ZNF740: variants seen among roughly 807,000 people sequenced by gnomAD.
The protein encoded by ZNF740 is oriLyt TD-element-binding protein 7.
ZNF740 carries 14 observed loss-of-function variants against 24.8 expected under a neutral mutation model. The ratio of observed to expected loss-of-function variants is 0.56; its 90% CI spans 0.37 to 0.88. ZNF740 has a LOEUF of 0.88. Among genes scored for constraint, ZNF740 ranks in the 40% least tolerant of loss-of-function variants. The probability of loss-of-function intolerance (pLI) is 0.00; values close to 1 mark genes in which losing one functional copy is unlikely to be tolerated. For missense variants in ZNF740, 201 were observed against 247.9 expected, an observed-to-expected ratio of 0.81 and a Z score of 1.27; for synonymous variants, 69 against 84.0, an observed-to-expected ratio of 0.82 and a Z score of 0.98.
Position 53,181,740 on chromosome 12 carries a change from T to C in ZNF740, c.-244T>C. The C allele has an allele frequency of 1.8e-6, 1 of 543,834 alleles. No homozygotes were observed. The highest frequency in any genetic ancestry group is 3.1e-6 in the Non-Finnish European group (1 of 322,164). 33.7% of individuals were successfully genotyped at this position (543,834 alleles called of 1,614,324 possible). ...AACTGGAAAACCAAGACTGGTAGAC[T>C]CTCTTTTTCTTCAGACAATAGGCAG... On this transcript the variant is annotated 5_prime_UTR_variant, in exon 2 of 7. Transcript: ENST00000416904.
chr12:53,191,406 G>A lies in ZNF740; in HGVS notation c.*3816G>A, dbSNP rs1941936876. 3 of 683,068 alleles carry A rather than the reference G, an allele frequency of 4.4e-6. No homozygotes were observed. The highest frequency in any genetic ancestry group is 1.6e-5 in the South Asian group (1 of 61,422). The allele number at this position is 683,068 out of a possible 1,614,324, so 42.3% of individuals were successfully genotyped here. On this transcript the variant is annotated 3_prime_UTR_variant, in exon 7 of 7. Coordinates refer to ENST00000416904, the MANE Select transcript of ZNF740 (RefSeq NM_001004304.4). ...CAGGCATGGGAAGCAGCCCTCTTGG[G>A]TGTCACTCTGAAAATGAAGTAGGGT...
In ZNF740 at chr12:53,192,715, C is replaced by G; in HGVS notation, c.*5125C>G. 6.2e-7 allele frequency: 1 copy of G among 1,614,108 alleles called. No individual in the cohort carries two copies. Among genetic ancestry groups the G allele is most frequent in the Non-Finnish European group, 8.5e-7 (1 of 1,179,998 alleles). ...CCGGTGTCTCTCGCATGGTGTCTTG[C>G]AGCCTGGGCATTGGTCGCATAGAGC... On this transcript the variant is annotated 3_prime_UTR_variant, in exon 7 of 7. Coordinates refer to ENST00000416904, the MANE Select transcript of ZNF740 (RefSeq NM_001004304.4).
rs11170465 is a variant in ZNF740 at position 53,192,041 on chromosome 12, C to T, written c.*4451C>T. 92,459 of 1,606,716 alleles carry T rather than the reference C, an allele frequency of 0.058. 3,295 individuals are homozygous for T. The highest frequency in any genetic ancestry group is 0.17 in the East Asian group (7,682 of 44,684). ...CCCTCTGTGAACAAGAAACCAGACA[C>T]ACTTGTGGGAGCTGGAGCATAGGGA... On this transcript the variant is annotated 3_prime_UTR_variant, in exon 7 of 7. Coordinates refer to ENST00000416904, the MANE Select transcript of ZNF740 (RefSeq NM_001004304.4).
chr12:53,186,169 G>A, intron 5 of ZNF740, 92 bp downstream of exon 5: 1 of 1,468,138 alleles, frequency 6.8e-7, no homozygotes. Flanking sequence ...TATTTTAATG[G>A]GTAAGTATTA....
In ZNF740 at chr12:53,194,376, G is replaced by A. The variant is rs143968353; in HGVS notation, c.*6786G>A. On this transcript the variant is annotated 3_prime_UTR_variant, in exon 7 of 7. Transcript: ENST00000416904. ...GAAGAGAGCGAGTGGATAACCACGT[G>A]AAGGCAGAAAAGGACTCCAACCCCA... The A allele has an allele frequency of 1.6e-5, 25 of 1,611,194 alleles. No homozygotes were observed. In the African/African-American group the frequency reaches 3.3e-4, roughly 21 times the overall value.
chr12:53,192,046 G>T lies in ZNF740; in HGVS notation c.*4456G>T, dbSNP rs1941972918. ...TGTGAACAAGAAACCAGACACACTTGTGGGAGCTGGAGCATAGGGACAGAT... is the reference window on the plus strand; with the variant it reads ...TGTGAACAAGAAACCAGACACACTTTTGGGAGCTGGAGCATAGGGACAGAT... On this transcript the variant is annotated 3_prime_UTR_variant, in exon 7 of 7. Coordinates refer to ENST00000416904, the MANE Select transcript of ZNF740 (RefSeq NM_001004304.4). 2 of 1,605,846 alleles carry T rather than the reference G, an allele frequency of 1.2e-6. No homozygotes were observed. Among genetic ancestry groups the T allele is most frequent in the Non-Finnish European group, 1.7e-6 (2 of 1,175,044 alleles).
chr12:53,181,511 C>G (rs1941636437), intron 1 of ZNF740, 166 bp from the exon 2 acceptor site: 1 of 985,038 alleles, frequency 1.0e-6, no homozygotes, highest in Non-Finnish European at 1.2e-6. Context: ...ACTCCTTGCC[C>G]AGGAGACCAG....
intron 2 of ZNF740, 55 bp from the exon 3 acceptor site, chr12:53,184,836 C>CT: frequency 6.4e-7 from 1 of 1,570,030 alleles, no homozygotes; most frequent in Non-Finnish European, 8.7e-7. Context: ...GGATGGCAGT[C>CT]TGTTTTTGCC....
In ZNF740 at chr12:53,188,111, C is replaced by T. The variant is rs1226441329; in HGVS notation, c.*521C>T. Reference sequence around the variant, plus strand: ...TGGGTTTTTAGTTGCAGTAGCTCCTCAGTGTTTCACAATCCTGCACTTCGC... The same window carrying T: ...TGGGTTTTTAGTTGCAGTAGCTCCTTAGTGTTTCACAATCCTGCACTTCGC... On this transcript the variant is annotated 3_prime_UTR_variant, in exon 7 of 7. Coordinates refer to ENST00000416904, the MANE Select transcript of ZNF740 (RefSeq NM_001004304.4). The T allele has an allele frequency of 6.2e-6, 1 of 160,932 alleles. No individual in the cohort carries two copies. Among genetic ancestry groups the T allele is most frequent in the East Asian group, 1.8e-4 (1 of 5,532 alleles). The allele number at this position is 160,932 out of a possible 1,614,324, so 10.0% of individuals were successfully genotyped here.
At position 53,189,748 on chromosome 12, in the gene ZNF740, G is replaced by A. The variant is rs1021776023; in HGVS notation, c.*2158G>A. On this transcript the variant is annotated 3_prime_UTR_variant, in exon 7 of 7. Coordinates refer to ENST00000416904, the MANE Select transcript of ZNF740 (RefSeq NM_001004304.4). ...CCTGTTCAAGGGTTCTGCTGGATCT[G>A]GGCTTTTCCTGTCCTTCACTTCTGG... The A allele has an allele frequency of 6.6e-6, 1 of 152,198 alleles. No individual in the cohort carries two copies. The highest frequency in any genetic ancestry group is 1.5e-5 in the Non-Finnish European group (1 of 68,048). 9.4% of individuals were successfully genotyped at this position (152,198 alleles called of 1,614,324 possible). A position where few individuals can be genotyped will look rare whatever the true frequency, so the allele number is the denominator to read the frequency against.
intron 1 of ZNF740, 67 bp from the exon 2 acceptor site, chr12:53,181,610 A>G: frequency 1.7e-6 from 1 of 588,734 alleles, no homozygotes; most frequent in South Asian, 5.9e-5. Context: ...AAAAAAATTC[A>G]TATCGCACGT....
At position 53,190,230 on chromosome 12, in the gene ZNF740, G is replaced by A. The variant is rs1941905195; in HGVS notation, c.*2640G>A. On this transcript the variant is annotated 3_prime_UTR_variant, in exon 7 of 7. Coordinates refer to ENST00000416904, the MANE Select transcript of ZNF740 (RefSeq NM_001004304.4). ...ATCCAGAGGGCCCGGGAGCCCCACG[G>A]ATACCCCAGGGAAGCCACTGACTCA... 6.5e-6 allele frequency: 1 copy of A among 152,678 alleles called. No individual in the cohort carries two copies. The allele number at this position is 152,678 out of a possible 1,614,324, so 9.5% of individuals were successfully genotyped here.
intron 4 of ZNF740, 136 bp downstream of exon 4, chr12:53,185,612 A>G: frequency 3.7e-6 from 3 of 801,866 alleles, no homozygotes; most frequent in South Asian, 1.7e-5. Context: ...AGTCCCCCAG[A>G]TTTCATCCAG....
rs754768891 is a variant in ZNF740 at position 53,184,114 on chromosome 12, G to GGTGTGTGTGTGTGTGTGTGTGTGTGTGT, written c.10-767_10-740dup. Reference sequence around the variant, plus strand: ...TCAAAAGTGGGCTCTGAAGCTAAGGGGTGTGTGTGTGTGTGTGTGTGTGTG... The same window carrying GGTGTGTGTGTGTGTGTGTGTGTGTGTGT: ...TCAAAAGTGGGCTCTGAAGCTAAGGGGTGTGTGTGTGTGTGTGTGTGTGTGTGTGTGTGTGTGTGTGTGTGTGTGTGTG... On this transcript the variant is annotated intron_variant, in intron 2 of 6. Coordinates refer to ENST00000416904, the MANE Select transcript of ZNF740 (RefSeq NM_001004304.4). Among the ~76,000 whole-genome samples, 6 of 123,566 alleles carry GGTGTGTGTGTGTGTGTGTGTGTGTGTGT rather than the reference G, an allele frequency of 4.9e-5. No homozygotes were observed. The East Asian group carries it at 1.3e-3, about 26-fold the overall frequency. 81.1% of individuals were successfully genotyped at this position (123,566 alleles called of 152,430 possible).
chr12:53,195,104 G>A lies in ZNF740; in HGVS notation c.*7514G>A. 1.8e-5 allele frequency: 9 copies of A among 495,326 alleles called. No individual in the cohort carries two copies. The South Asian group carries it at 2.2e-4, about 12-fold the overall frequency. 30.7% of individuals were successfully genotyped at this position (495,326 alleles called of 1,614,324 possible). A position where few individuals can be genotyped will look rare whatever the true frequency, so the allele number is the denominator to read the frequency against. On this transcript the variant is annotated 3_prime_UTR_variant, in exon 7 of 7. Transcript: ENST00000416904. ...GCAAACAGTATGTACACCTAGGATGGTGGGCGCATGAAATAAAAGCTCAGT... is the reference window on the plus strand; with the variant it reads ...GCAAACAGTATGTACACCTAGGATGATGGGCGCATGAAATAAAAGCTCAGT...
In ZNF740 at chr12:53,186,026, G is replaced by A; in HGVS notation, c.322G>A (p.Gly108Arg). ...PKNFVCEHCF[G>R]AFRSSYHLKR... ...AAATTTTGTTTGTGAACACTGCTTT[G>A]GAGCCTTTCGGAGCAGTTACCACCT... The change falls in exon 5 of 7, where the codon GGA becomes AGA. Residue 108 changes from glycine (G) to arginine (R), a missense_variant. By Grantham distance (125) the Gly-to-Arg change is moderately radical. This residue lies in a region of ZNF740 where 60 missense variants were observed against 107.8 expected (regional missense o/e 0.56). Coordinates refer to ENST00000416904, the MANE Select transcript of ZNF740 (RefSeq NM_001004304.4). 5 of 1,613,918 alleles carry A rather than the reference G, an allele frequency of 3.1e-6. No homozygotes were observed. The highest frequency in any genetic ancestry group is 3.4e-6 in the Non-Finnish European group (4 of 1,179,832).
In ZNF740 at chr12:53,193,479, C is replaced by T; in HGVS notation, c.*5889C>T. On this transcript the variant is annotated 3_prime_UTR_variant, in exon 7 of 7. Coordinates refer to ENST00000416904, the MANE Select transcript of ZNF740 (RefSeq NM_001004304.4). ...AAAAGAGTTGGAGACAGACAAACAG[C>T]TGAAAGGATGTTAAGTATAGTGAAA... 1 of 824,592 alleles carries T rather than the reference C, an allele frequency of 1.2e-6. No homozygotes were observed. Among genetic ancestry groups the T allele is most frequent in the Non-Finnish European group, 1.9e-6 (1 of 535,376 alleles). The allele number at this position is 824,592 out of a possible 1,614,324, so 51.1% of individuals were successfully genotyped here. A position where few individuals can be genotyped will look rare whatever the true frequency, so the allele number is the denominator to read the frequency against.
At position 53,192,813 on chromosome 12, in the gene ZNF740, G is replaced by C; in HGVS notation, c.*5223G>C. 6.2e-7 allele frequency: 1 copy of C among 1,614,190 alleles called. No individual in the cohort carries two copies. Among genetic ancestry groups the C allele is most frequent in the South Asian group, 1.1e-5 (1 of 91,084 alleles). On this transcript the variant is annotated 3_prime_UTR_variant, in exon 7 of 7. Coordinates refer to ENST00000416904, the MANE Select transcript of ZNF740 (RefSeq NM_001004304.4). ...CATGCCCACTGCAGAGCCCTCCCTCGGGACTGATGCAACTGTCCATGTCCC... is the reference window on the plus strand; with the variant it reads ...CATGCCCACTGCAGAGCCCTCCCTCCGGACTGATGCAACTGTCCATGTCCC...
Position 53,186,568 on chromosome 12 carries a change from G to A in ZNF740, c.492+59G>A. On this transcript the variant is annotated intron_variant, in intron 6 of 6. Coordinates refer to ENST00000416904, the MANE Select transcript of ZNF740 (RefSeq NM_001004304.4). ...CACTTTTCCTTCCCCAAGAATCAGG[G>A]CCACCCTCCACTCCTGCCTGACAAA... 2.9e-6 allele frequency: 4 copies of A among 1,387,640 alleles called. No individual in the cohort carries two copies. The South Asian group carries it at 5.0e-5, about 17-fold the overall frequency. The allele number at this position is 1,387,640 out of a possible 1,614,324, so 86.0% of individuals were successfully genotyped here.
Sources: gnomAD v4.1 joint callset for allele counts (sites outside exome capture counted in the v4.1 genomes callset) on GRCh38, gnomAD v4.1.1 for gene constraint, gnomAD v4.1.1 regional missense constraint, MANE v1.5 for transcripts, NCBI Gene and HGNC (gene_info 2026-07-23, HGNC 2026-07-21) for gene names.